MACROD1: variants seen among roughly 807,000 people sequenced by gnomAD.
MACROD1 encodes the protein mono-ADP ribosylhydrolase 1.
A neutral mutation model predicts 41.4 loss-of-function variants in MACROD1; 31 were observed. The observed-to-expected ratio is 0.75, with a 90% CI of 0.56 to 1.01. The LOEUF (loss-of-function observed/expected upper bound fraction) is 1.01. Among genes scored for constraint, MACROD1 ranks in the 50% least tolerant of loss-of-function variants. The probability of loss-of-function intolerance (pLI) is 0.00; values close to 1 mark genes in which losing one functional copy is unlikely to be tolerated. For synonymous variants in MACROD1, 252 were observed against 203.4 expected (o/e 1.24, Z -2.03); for missense variants, 473 against 460.0 (o/e 1.03, Z -0.26).
intron 3 of MACROD1, chr11:64,117,539 C>A: frequency 6.2e-7 from 1 of 1,603,490 alleles, no homozygotes; most frequent in East Asian, 2.2e-5. Flanking sequence ...TCCCCGACTC[C>A]AACATTGACT....
At chr11:64,019,557 G>C (rs1181152430) in intron 3 of MACROD1, among the ~76,000 whole-genome samples, 1 of 152,222 alleles carries the variant, frequency 6.6e-6, no homozygotes, top group South Asian at 2.1e-4. Flanking sequence ...GCTCAGAAAC[G>C]ACAGGTCACA....
chr11:64,085,972 A>G (rs1433046987), intron 3 of MACROD1, among the ~76,000 whole-genome samples: 1 of 130,058 alleles, frequency 7.7e-6, no homozygotes, highest in Non-Finnish European at 1.6e-5. Flanking sequence ...GCCTCAGCAG[A>G]TGGTTAGTGG....
Position 64,036,811 on chromosome 11 carries a change from A to AC in MACROD1, c.518-21531dup, listed in dbSNP as rs1395672693. On this transcript the variant is annotated intron_variant, in intron 3 of 10. Transcript: ENST00000255681. This position sits in a 1 kb window ranked among gnomAD's most constrained non-coding sequence, Gnocchi z 5.6. The stretch of plus-strand genomic sequence containing the variant: ...GGTGCCTGGGCGGGGGGCGGCGGGC[A>AC]CCCCCCATCCCCCAGCTCTCAAGAC... Among the ~76,000 whole-genome samples the AC allele has an allele frequency of 6.6e-6, 1 of 151,242 alleles. No individual in the cohort carries two copies. The highest frequency in any genetic ancestry group is 2.4e-5 in the African/African-American group (1 of 41,042).
At chr11:64,141,315 T>A (rs773683661) in intron 3 of MACROD1, among the ~76,000 whole-genome samples, 6 of 152,194 alleles carry the variant, frequency 3.9e-5, no homozygotes, top group Non-Finnish European at 8.8e-5. Context: ...CTGGAGAGTG[T>A]CTGAGCCCAC....
At chr11:64,014,836 C>T (rs1943059041) in intron 4 of MACROD1, among the ~76,000 whole-genome samples, 1 of 152,220 alleles carries the variant, frequency 6.6e-6, no homozygotes, top group South Asian at 2.1e-4. Flanking sequence ...CAGCTCTCTC[C>T]CTGACTTTGT....
chr11:64,049,920 C>CG (rs1043586499), intron 3 of MACROD1, among the ~76,000 whole-genome samples: 8 of 152,138 alleles, frequency 5.3e-5, no homozygotes, highest in African/African-American at 1.2e-4. Context: ...GCTGTGGCCC[C>CG]GGGGGGGAGG....
chr11:64,031,665 A>G (rs969130292), intron 3 of MACROD1, among the ~76,000 whole-genome samples: 1 of 151,696 alleles, frequency 6.6e-6, no homozygotes, highest in Non-Finnish European at 1.5e-5. Flanking sequence ...TTTAGTAGAG[A>G]CGGGGTTTTG....
intron 3 of MACROD1, among the ~76,000 whole-genome samples, chr11:64,028,883 C>T (rs1294198935): frequency 6.6e-6 from 1 of 152,180 alleles, no homozygotes; most frequent in Admixed American, 6.5e-5. Context: ...GCTTAGGACA[C>T]TCTTTCTCCT....
At chr11:64,107,696 C>T (rs1944788034) in intron 3 of MACROD1, among the ~76,000 whole-genome samples, 1 of 152,252 alleles carries the variant, frequency 6.6e-6, no homozygotes, top group Non-Finnish European at 1.5e-5. Flanking sequence ...AGGAGCAAAG[C>T]TGTTCAGGGT....
At position 63,999,767 on chromosome 11, in the gene MACROD1, C is replaced by CG. The variant is rs1942786693; in HGVS notation, c.665-5dup. 3.7e-6 allele frequency: 6 copies of CG among 1,603,254 alleles called. No homozygotes were observed. The highest frequency in any genetic ancestry group is 1.3e-5 in the African/African-American group (1 of 74,788). On this transcript the variant is annotated splice_polypyrimidine_tract_variant and splice_region_variant and intron_variant, in intron 5 of 10. Coordinates refer to ENST00000255681, the MANE Select transcript of MACROD1 (RefSeq NM_014067.4). ...GGCCCCACTGTGTGGATGACGTCTA[C>CG]GGGGGGCGACGGGGTCAGACCGGCG...
At chr11:64,028,873 G>C (rs771543486) in intron 3 of MACROD1, among the ~76,000 whole-genome samples, 5 of 152,246 alleles carry the variant, frequency 3.3e-5, no homozygotes, top group Non-Finnish European at 7.4e-5. Flanking sequence ...GAGACCCTGG[G>C]CTTAGGACAC....
intron 3 of MACROD1, among the ~76,000 whole-genome samples, chr11:64,051,922 C>T (rs899116228): frequency 6.6e-6 from 1 of 151,894 alleles, no homozygotes; most frequent in African/African-American, 2.4e-5. Flanking sequence ...GAGGTAGAGA[C>T]TGGATACTCC....
chr11:64,148,628 G>T, intron 3 of MACROD1: 2 of 676,616 alleles, frequency 3.0e-6, no homozygotes, highest in Non-Finnish European at 3.6e-6. Flanking sequence ...TTATAATCAA[G>T]TCAAATAGAA....
intron 3 of MACROD1, chr11:64,118,054 A>T (rs1475875325): frequency 6.2e-7 from 1 of 1,613,496 alleles, no homozygotes; most frequent in Non-Finnish European, 8.5e-7. Context: ...GGCAGCAGGA[A>T]AAAGGATGAC....
intron 3 of MACROD1, among the ~76,000 whole-genome samples, chr11:64,083,224 T>G (rs1944334003): frequency 6.6e-6 from 1 of 152,080 alleles, no homozygotes; most frequent in African/African-American, 2.4e-5. Flanking sequence ...TTGCCTGAGC[T>G]CAGGAGTTCG....
intron 3 of MACROD1, among the ~76,000 whole-genome samples, chr11:64,101,485 G>A (rs1944669594): frequency 6.6e-6 from 1 of 152,126 alleles, no homozygotes; most frequent in Non-Finnish European, 1.5e-5. Flanking sequence ...GGGCTCCCAG[G>A]ACACGGCAAT....
chr11:64,078,540 G>C (rs1944245434), intron 3 of MACROD1, among the ~76,000 whole-genome samples: 1 of 152,260 alleles, frequency 6.6e-6, no homozygotes, highest in Admixed American at 6.5e-5. Context: ...GAGGGGAGCT[G>C]TCTGGGTGGG....
rs191482194 is a variant in MACROD1, at chr11:64,128,919, A to G, written c.517+22320T>C. On this transcript the variant is annotated intron_variant, in intron 3 of 10. Coordinates refer to ENST00000255681, the MANE Select transcript of MACROD1 (RefSeq NM_014067.4). Reference sequence around the variant, plus strand: ...CGATAAACAGTAAATCAATCAGCCAATCACTCCATGGATCCATGTGAGTAC... The same window carrying G: ...CGATAAACAGTAAATCAATCAGCCAGTCACTCCATGGATCCATGTGAGTAC... Among the ~76,000 whole-genome samples the G allele has an allele frequency of 2.1e-3, 314 of 152,314 alleles. 2 individuals are homozygous for G. Among genetic ancestry groups the G allele is most frequent in the African/African-American group, 7.1e-3 (296 of 41,556 alleles).
intron 3 of MACROD1, chr11:64,117,356 C>G (rs550169038): frequency 6.2e-7 from 1 of 1,613,696 alleles, no homozygotes; most frequent in South Asian, 1.1e-5. Context: ...CTGAGAAGGT[C>G]CGGGGCATGG....
Sources: allele counts gnomAD v4.1 joint callset (sites outside exome capture counted in the v4.1 genomes callset), GRCh38; gene constraint gnomAD v4.1.1; non-coding constraint Gnocchi (gnomAD v3.1); transcripts MANE v1.5; gene names NCBI Gene and HGNC (gene_info 2026-07-23, HGNC 2026-07-21).